DMAC2L: variants seen among roughly 807,000 people sequenced by gnomAD.
The protein encoded by DMAC2L is distal membrane arm assembly component 2 like.
In DMAC2L, 21 loss-of-function variants were observed where a neutral mutation model predicts 22.5. That is an observed-to-expected ratio of 0.93 (90% CI 0.66 to 1.34). The LOEUF (loss-of-function observed/expected upper bound fraction) is 1.34. DMAC2L is among the 40% of genes most tolerant of loss of function. The pLI, the probability that DMAC2L is intolerant of heterozygous loss-of-function variation, is 0.00. For missense variants in DMAC2L, 239 were observed against 246.5 expected (o/e 0.97, Z 0.20); for synonymous variants, 86 against 89.5 (o/e 0.96, Z 0.22).
chr14:50,319,158 T>G, intron 2 of DMAC2L: 1 of 1,526,114 alleles, frequency 6.6e-7, no homozygotes, highest in East Asian at 2.5e-5. Context: ...GTAAATAAGA[T>G]TGACAACTAA....
chr14:50,322,489 G>A, intron 3 of DMAC2L, 22 bp from the exon 4 acceptor site: 4 of 1,579,050 alleles, frequency 2.5e-6, no homozygotes, highest in Non-Finnish European at 3.5e-6. Flanking sequence ...AAAGCAAACT[G>A]CTTTTTTTCT....
intron 2 of DMAC2L, among the ~76,000 whole-genome samples, chr14:50,317,093 A>G (rs4548791): frequency 0.48 from 73,570 of 151,960 alleles, 17,896 homozygotes; most frequent in East Asian, 0.62. Context: ...TGTTTATGTC[A>G]TCTGTTATTT....
At chr14:50,311,825 G>A (rs1312449323), upstream of DMAC2L, among the ~76,000 whole-genome samples, 1 of 152,152 alleles carries the variant, frequency 6.6e-6, no homozygotes, top group Non-Finnish European at 1.5e-5. Flanking sequence ...CCTTTCCTCC[G>A]GCCCGTAAAT....
At chr14:50,320,576 C>T (rs972468439) in intron 2 of DMAC2L, among the ~76,000 whole-genome samples, 2 of 152,152 alleles carry the variant, frequency 1.3e-5, no homozygotes, top group Non-Finnish European at 2.9e-5. Flanking sequence ...ATAATTTTTC[C>T]TGGCACCTTT....
chr14:50,325,583 G>C (rs1314181342), intron 5 of DMAC2L, 26 bp from the exon 6 acceptor site: 18 of 1,576,262 alleles, frequency 1.1e-5, no homozygotes, highest in Non-Finnish European at 1.6e-5. Flanking sequence ...TGGCCAAATT[G>C]AAGTGACTTT....
chr14:50,315,297 A>G (rs75535927), intron 2 of DMAC2L, among the ~76,000 whole-genome samples: 2 of 151,796 alleles, frequency 1.3e-5, no homozygotes, highest in African/African-American at 4.8e-5. Flanking sequence ...TTGCATCCTC[A>G]TAGCTTAGCT....
At chr14:50,311,883 A>T, upstream of DMAC2L, 1 of 1,251,722 alleles carries the variant, frequency 8.0e-7, no homozygotes, top group Non-Finnish European at 1.1e-6. Context: ...CCGAGGTTGG[A>T]GTGCCACAGG....
rs1376015708 is a variant in DMAC2L at position 50,312,397 on chromosome 14, G to A, written c.-42+8G>A. On this transcript the variant is annotated splice_region_variant and intron_variant, in intron 1 of 5. Coordinates refer to ENST00000557421, the MANE Select transcript of DMAC2L (RefSeq NM_001382507.1). Reference sequence around the variant, plus strand: ...CTCCCTCCCTCCGACGCTGTGAGTAGAGAAGCTAGGCCCCGAGCCGGGCGG... The same window carrying A: ...CTCCCTCCCTCCGACGCTGTGAGTAAAGAAGCTAGGCCCCGAGCCGGGCGG... 2 of 571,272 alleles carry A rather than the reference G, an allele frequency of 3.5e-6. No individual in the cohort carries two copies. The highest frequency in any genetic ancestry group is 2.0e-5 in the South Asian group (1 of 50,266). 35.4% of individuals were successfully genotyped at this position (571,272 alleles called of 1,614,324 possible). A position where few individuals can be genotyped will look rare whatever the true frequency, so the allele number is the denominator to read the frequency against.
intron 1 of DMAC2L, chr14:50,312,766 G>A: frequency 2.0e-6 from 1 of 495,354 alleles, no homozygotes; most frequent in South Asian, 2.7e-5. Flanking sequence ...GGCGCTCCCT[G>A]TCCGGCCCTA....
upstream of DMAC2L, among the ~76,000 whole-genome samples, chr14:50,311,858 G>A (rs1047642381): frequency 6.6e-5 from 10 of 152,210 alleles, no homozygotes; most frequent in Non-Finnish European, 4.4e-5. Flanking sequence ...CCTGCAGGTT[G>A]GTAGCTCCTG....
intron 2 of DMAC2L, among the ~76,000 whole-genome samples, chr14:50,321,031 A>G (rs904796858): frequency 6.6e-6 from 1 of 152,184 alleles, no homozygotes; most frequent in Non-Finnish European, 1.5e-5. Flanking sequence ...GCCTTGTCAT[A>G]GGTAGATCTA....
chr14:50,325,590 CT>C lies in DMAC2L; in HGVS notation c.489-13del. The C allele has an allele frequency of 1.9e-6, 3 of 1,587,828 alleles. No homozygotes were observed. Among genetic ancestry groups the C allele is most frequent in the Non-Finnish European group, 2.6e-6 (3 of 1,164,302 alleles). On this transcript the variant is annotated intron_variant, in intron 5 of 5. Transcript: ENST00000557421. ...AATGCTCTTGGCCAAATTGAAGTGA[CT>C]TTTTTCTTTATTTGCAGAAACCTCA...
chr14:50,327,709 C>G lies in DMAC2L; in HGVS notation c.*1986C>G, dbSNP rs964411244. ...TGAACTCCTAACCTCAGGATCCACCCGCCTCGGCCTCCCAAAGTGCTGGGA... is the reference window on the plus strand; with the variant it reads ...TGAACTCCTAACCTCAGGATCCACCGGCCTCGGCCTCCCAAAGTGCTGGGA... On this transcript the variant is annotated 3_prime_UTR_variant, in exon 6 of 6. Transcript: ENST00000557421. 1.3e-5 allele frequency: 2 copies of G among 152,046 alleles called. No individual in the cohort carries two copies. The highest frequency in any genetic ancestry group is 4.8e-5 in the African/African-American group (2 of 41,404). The allele number at this position is 152,046 out of a possible 1,614,324, so 9.4% of individuals were successfully genotyped here. A position where few individuals can be genotyped will look rare whatever the true frequency, so the allele number is the denominator to read the frequency against.
chr14:50,325,632 G>C lies in DMAC2L; in HGVS notation c.512G>C (p.Ser171Thr). The change falls in exon 6 of 6, where the codon AGT (serine) becomes ACT (threonine). Residue 171 changes from serine (S) to threonine (T), a missense_variant. Ser to Thr is a moderately conservative substitution (Grantham distance 58). Coordinates refer to ENST00000557421, the MANE Select transcript of DMAC2L (RefSeq NM_001382507.1). Reference protein sequence around the residue: ...HLRNLKYLLLSDLPGVREKEN... With the variant: ...HLRNLKYLLLTDLPGVREKEN... ...AGAAACCTCAAATATTTGTTGTTAAGTGATCTTCCTGGAGTAAGAGAAAAA... is the reference window on the plus strand; with the variant it reads ...AGAAACCTCAAATATTTGTTGTTAACTGATCTTCCTGGAGTAAGAGAAAAA... 2 of 1,611,266 alleles carry C rather than the reference G, an allele frequency of 1.2e-6. No homozygotes were observed. The highest frequency in any genetic ancestry group is 8.5e-7 in the Non-Finnish European group (1 of 1,178,648).
intron 2 of DMAC2L, among the ~76,000 whole-genome samples, chr14:50,315,453 G>A (rs1252335612): frequency 1.3e-5 from 2 of 150,922 alleles, no homozygotes; most frequent in African/African-American, 4.8e-5. Context: ...CACGAGGTCA[G>A]GAGATTGAGA....
intron 2 of DMAC2L, among the ~76,000 whole-genome samples, chr14:50,317,251 TAAAG>T (rs1363182653): frequency 1.3e-5 from 2 of 152,184 alleles, no homozygotes; most frequent in African/African-American, 2.4e-5. Flanking sequence ...TGGTGTATAC[TAAAG>T]GTACTAATTA....
chr14:50,325,649 A>G lies in DMAC2L; in HGVS notation c.529A>G (p.Arg177Gly), dbSNP rs777399185. The part of the protein sequence containing the change: ...YLLLSDLPGV[R>G]EKENLVQAFK... ...GTTGTTAAGTGATCTTCCTGGAGTAAGAGAAAAAGAAAATCTTGTCCAAGC... is the reference window on the plus strand; with the variant it reads ...GTTGTTAAGTGATCTTCCTGGAGTAGGAGAAAAAGAAAATCTTGTCCAAGC... The change falls in exon 6 of 6, where the codon AGA (arginine) becomes GGA (glycine). Residue 177 changes from arginine (R) to glycine (G), a missense_variant. By Grantham distance (125) the Arg-to-Gly change is moderately radical. Transcript: ENST00000557421. The G allele has an allele frequency of 3.1e-5, 50 of 1,612,734 alleles. No individual in the cohort carries two copies. Among genetic ancestry groups the G allele is most frequent in the Middle Eastern group, 1.6e-4 (1 of 6,078 alleles).
Position 50,326,275 on chromosome 14 carries a change from A to G in DMAC2L, c.*552A>G, listed in dbSNP as rs2032698938. 1 of 464,992 alleles carries G rather than the reference A, an allele frequency of 2.2e-6. No homozygotes were observed. Among genetic ancestry groups the G allele is most frequent in the Non-Finnish European group, 2.8e-6 (1 of 354,930 alleles). The allele number at this position is 464,992 out of a possible 1,614,324, so 28.8% of individuals were successfully genotyped here. A position where few individuals can be genotyped will look rare whatever the true frequency, so the allele number is the denominator to read the frequency against. ...GTAAACTAGGTAACATTTTAATTCT[A>G]ATATATTCATTTAATATGTAAATCT... is the stretch of plus-strand genomic sequence containing the variant. On this transcript the variant is annotated 3_prime_UTR_variant, in exon 6 of 6. Transcript: ENST00000557421.
chr14:50,326,904 G>T lies in DMAC2L; in HGVS notation c.*1181G>T. The T allele has an allele frequency of 2.3e-5, 5 of 221,962 alleles. No individual in the cohort carries two copies. The highest frequency in any genetic ancestry group is 3.8e-5 in the Non-Finnish European group (5 of 132,094). 13.7% of individuals were successfully genotyped at this position (221,962 alleles called of 1,614,324 possible). Reference sequence around the variant, plus strand: ...AAAATTTTAAAAATTAGGCAGGCATGGTGGTGCATACCTGTAATCTCAGAT... The same window carrying T: ...AAAATTTTAAAAATTAGGCAGGCATTGTGGTGCATACCTGTAATCTCAGAT... On this transcript the variant is annotated 3_prime_UTR_variant, in exon 6 of 6. Transcript: ENST00000557421.
Sources: allele counts gnomAD v4.1 joint callset (sites outside exome capture counted in the v4.1 genomes callset), GRCh38; gene constraint gnomAD v4.1.1; transcripts MANE v1.5; gene names NCBI Gene and HGNC (gene_info 2026-07-23, HGNC 2026-07-21).